NPRL3: variants seen among roughly 807,000 people sequenced by gnomAD.
NPRL3 encodes NPR3 like, GATOR1 complex subunit.
Under a neutral mutation model 57.2 loss-of-function variants are expected in NPRL3, and 23 were observed. The observed-to-expected ratio is 0.40, with a 90% CI of 0.29 to 0.57. The LOEUF (loss-of-function observed/expected upper bound fraction) is 0.57. Among genes scored for constraint, NPRL3 ranks in the 20% least tolerant of loss-of-function variants. The pLI is 0.42. For missense variants in NPRL3, 691 were observed against 767.1 expected (o/e 0.90, Z 1.17); for synonymous variants, 333 against 321.1 (o/e 1.04, Z -0.39).
intron 11 of NPRL3, 140 bp from the exon 12 acceptor site, chr16:90,042 G>C (rs1339717522): frequency 4.9e-6 from 4 of 817,792 alleles, no homozygotes; most frequent in Non-Finnish European, 7.3e-6. Context: ...TTCTCAGAAA[G>C]GGAGCCCCCA....
At chr16:128,990 T>C (rs1596538450) in intron 3 of NPRL3, among the ~76,000 whole-genome samples, 1 of 152,344 alleles carries the variant, frequency 6.6e-6, no homozygotes, top group East Asian at 1.9e-4. Flanking sequence ...CTAAAATTAC[T>C]GAATGAAGCA....
chr16:110,740 G>A (rs1354364840), intron 6 of NPRL3, 134 bp from the exon 7 acceptor site: 30 of 655,974 alleles, frequency 4.6e-5, no homozygotes, highest in African/African-American at 7.3e-5. Context: ...GGTAGAGACA[G>A]GTATTCACCA....
intron 4 of NPRL3, among the ~76,000 whole-genome samples, chr16:118,723 C>T (rs750500883): frequency 5.3e-5 from 8 of 152,236 alleles, no homozygotes; most frequent in Admixed American, 2.0e-4. Flanking sequence ...CTGCCCAGTA[C>T]CTTCACCAGA....
chr16:93,842 T>A (rs1175566360), intron 9 of NPRL3, among the ~76,000 whole-genome samples: 1 of 152,204 alleles, frequency 6.6e-6, no homozygotes, highest in East Asian at 1.9e-4. Flanking sequence ...ATTACAGGCA[T>A]GAGCCACCGC....
chr16:100,831 T>C (rs372887433), intron 7 of NPRL3, among the ~76,000 whole-genome samples: 264 of 147,304 alleles, frequency 1.8e-3, no homozygotes, highest in African/African-American at 6.2e-3. Context: ...ATTAGCCAGG[T>C]GTGGTGGCGG....
intron 4 of NPRL3, 109 bp downstream of exon 4, chr16:119,017 A>C: frequency 2.9e-6 from 4 of 1,382,316 alleles, no homozygotes; most frequent in Non-Finnish European, 3.9e-6. Flanking sequence ...TGCCCAGGGG[A>C]AGCCACACCT....
At chr16:94,092 T>C (rs1898883633) in intron 9 of NPRL3, among the ~76,000 whole-genome samples, 1 of 151,468 alleles carries the variant, frequency 6.6e-6, no homozygotes, top group African/African-American at 2.4e-5. Flanking sequence ...TGCCCGATGA[T>C]GGGTGTGGAG....
rs2141893151 is a variant in NPRL3 at position 86,003 on chromosome 16, G to A, written c.*702C>T. 1 of 480,400 alleles carries A rather than the reference G, an allele frequency of 2.1e-6. No homozygotes were observed. Among genetic ancestry groups the A allele is most frequent in the Non-Finnish European group, 3.4e-6 (1 of 291,192 alleles). 29.8% of individuals were successfully genotyped at this position (480,400 alleles called of 1,614,324 possible). ...GTGGGAGCCGAAAGCCCCCGAGGGT[G>A]GGGTCCTGCACAGTGGGCCATGCCT... On this transcript the variant is annotated 3_prime_UTR_variant, in exon 14 of 14. Coordinates refer to ENST00000611875, the MANE Select transcript of NPRL3 (RefSeq NM_001077350.3).
In NPRL3 at chr16:88,768, C is replaced by T; in HGVS notation, c.1474G>A (p.Glu492Lys). ...CTGAGGATGGCTGCGCGTTCATGCT[C>T]CGACAGGCTGGCCAGCAGGTTCTCC... ...MTENLLASLS[E>K]HERAAILSVP... The change falls in exon 13 of 14, where the codon GAG becomes AAG. Residue 492 changes from glutamate to lysine, a missense_variant. Physicochemically the swap from Glu to Lys is moderately conservative, Grantham distance 56. Coordinates refer to ENST00000611875, the MANE Select transcript of NPRL3 (RefSeq NM_001077350.3). 6.2e-7 allele frequency: 1 copy of T among 1,613,784 alleles called. No individual in the cohort carries two copies. Among genetic ancestry groups the T allele is most frequent in the Admixed American group, 1.7e-5 (1 of 59,976 alleles).
At chr16:100,146 G>A (rs1370009040) in intron 8 of NPRL3, among the ~76,000 whole-genome samples, 2 of 151,982 alleles carry the variant, frequency 1.3e-5, no homozygotes, top group African/African-American at 4.8e-5. Flanking sequence ...AGCCTAAGGT[G>A]GTGCCAGAAG....
chr16:119,173 C>T lies in NPRL3; in HGVS notation c.271G>A (p.Val91Met). The part of the protein sequence containing the change: ...GQKFELKIDN[V>M]RFVGHPTLLQ... ...AGTGTTGGGTGCCCAACAAATCGCA[C>T]ATTATCAATCTTCAGTTCAAATTTT... is the stretch of plus-strand genomic sequence containing the variant. The change falls in exon 4 of 14, where the codon GTG becomes ATG. Residue 91 changes from valine to methionine, a missense_variant. Physicochemically the swap from Val to Met is conservative, Grantham distance 21 (BLOSUM62 1). Transcript: ENST00000611875. The T allele has an allele frequency of 6.2e-7, 1 of 1,613,302 alleles. No homozygotes were observed. The highest frequency in any genetic ancestry group is 8.5e-7 in the Non-Finnish European group (1 of 1,179,620).
At chr16:130,965 C>A (rs1316188307) in intron 2 of NPRL3, among the ~76,000 whole-genome samples, 1 of 152,216 alleles carries the variant, frequency 6.6e-6, no homozygotes, top group Non-Finnish European at 1.5e-5. Context: ...GTAATGGCTG[C>A]ACACTATAAT....
At chr16:123,499 G>C (rs557256903) in intron 3 of NPRL3, 27 of 470,856 alleles carry the variant, frequency 5.7e-5, no homozygotes, top group Non-Finnish European at 2.2e-5. Flanking sequence ...GAGAGGTCTC[G>C]GTCTTACCCT....
In NPRL3 at chr16:97,744, C is replaced by G. The variant is rs558141099; in HGVS notation, c.924+401G>C. Among the ~76,000 whole-genome samples the G allele has an allele frequency of 8.5e-3, 1,289 of 152,120 alleles. 25 individuals are homozygous for G. The highest frequency in any genetic ancestry group is 0.029 in the African/African-American group (1,197 of 41,436). ...CTCTGTTCTGCACATGGGAGGGCCC[C>G]GCATCCAAGCTTCCTGCCCTTAGTT... On this transcript the variant is annotated intron_variant, in intron 9 of 13. Coordinates refer to ENST00000611875, the MANE Select transcript of NPRL3 (RefSeq NM_001077350.3).
chr16:132,377 A>G (rs1900850102), intron 2 of NPRL3, among the ~76,000 whole-genome samples: 1 of 152,212 alleles, frequency 6.6e-6, no homozygotes, highest in Non-Finnish European at 1.5e-5. Context: ...GTGAGACTGC[A>G]GCATTTCAGT....
intron 7 of NPRL3, among the ~76,000 whole-genome samples, chr16:102,187 G>A (rs1042437577): frequency 3.3e-4 from 50 of 152,240 alleles, no homozygotes; most frequent in African/African-American, 1.0e-3. Flanking sequence ...TTTTCACCAG[G>A]AGCTTCTAAA....
intron 11 of NPRL3, chr16:90,474 C>T (rs1003068027): frequency 3.3e-5 from 5 of 152,388 alleles, no homozygotes; most frequent in Non-Finnish European, 7.3e-5. Context: ...GGTGGAGCAC[C>T]CCACCCCCAC....
intron 2 of NPRL3, among the ~76,000 whole-genome samples, chr16:132,513 A>AAACT (rs926748230): frequency 6.6e-6 from 1 of 152,138 alleles, no homozygotes; most frequent in Admixed American, 6.5e-5. Flanking sequence ...AACTTTTTCC[A>AAACT]AACTCCTGTT....
chr16:127,869 T>C (rs1276020911), intron 3 of NPRL3, among the ~76,000 whole-genome samples: 1 of 151,236 alleles, frequency 6.6e-6, no homozygotes, highest in Non-Finnish European at 1.5e-5. Flanking sequence ...TTAGCCAGGA[T>C]GAGTCTCGAT....
Sources: allele counts gnomAD v4.1 joint callset (sites outside exome capture counted in the v4.1 genomes callset), GRCh38; gene constraint gnomAD v4.1.1; transcripts MANE v1.5; gene names NCBI Gene and HGNC (gene_info 2026-07-23, HGNC 2026-07-21).